SMAD1: variants seen among roughly 807,000 people sequenced by gnomAD.
SMAD1 encodes the protein SMAD family member 1, also known as MAD, mothers against decapentaplegic homolog 1.
Under a neutral mutation model 41.6 loss-of-function variants are expected in SMAD1, and 6 were observed. The ratio of observed to expected loss-of-function variants is 0.14; its 90% CI spans 0.08 to 0.28. The LOEUF (loss-of-function observed/expected upper bound fraction) is 0.28, where lower values mean the gene tolerates loss of function less well. Ranked by LOEUF, SMAD1 falls within the 10% of genes least tolerant of loss-of-function variation. SMAD1 has a pLI of 1.00. For missense variants in SMAD1, 379 were observed against 582.6 expected (o/e 0.65, Z 3.60); for synonymous variants, 206 against 203.2 (o/e 1.01, Z -0.12).
intron 1 of SMAD1, among the ~76,000 whole-genome samples, chr4:145,483,356 G>C (rs1255243592): frequency 1.3e-5 from 2 of 152,158 alleles, no homozygotes; most frequent in Non-Finnish European, 2.9e-5. Context: ...ACATCTCTGG[G>C]TCTAATTGCC....
chr4:145,501,196 A>G (rs923425222), intron 1 of SMAD1, among the ~76,000 whole-genome samples: 4 of 152,224 alleles, frequency 2.6e-5, no homozygotes, highest in African/African-American at 9.7e-5. Flanking sequence ...AATTCCTGAC[A>G]ATGACAGATC....
intron 1 of SMAD1, among the ~76,000 whole-genome samples, chr4:145,499,170 A>G (rs1233348679): frequency 1.3e-5 from 2 of 152,172 alleles, no homozygotes; most frequent in Non-Finnish European, 2.9e-5. Flanking sequence ...TATTCCCTTT[A>G]TACTATAGGT....
At chr4:145,547,678 A>G (rs960975107) in intron 5 of SMAD1, among the ~76,000 whole-genome samples, 1 of 152,090 alleles carries the variant, frequency 6.6e-6, no homozygotes, top group African/African-American at 2.4e-5. Context: ...ATGTGTGGAT[A>G]TTGTTGGGAG....
At chr4:145,492,356 G>A (rs1728815464) in intron 1 of SMAD1, among the ~76,000 whole-genome samples, 1 of 152,170 alleles carries the variant, frequency 6.6e-6, no homozygotes, top group Non-Finnish European at 1.5e-5. Flanking sequence ...CTATGACTCC[G>A]CTCTTTGGAT....
chr4:145,488,302 G>A (rs1360651659), intron 1 of SMAD1, among the ~76,000 whole-genome samples: 1 of 152,084 alleles, frequency 6.6e-6, no homozygotes. Context: ...AAGAGGAGGA[G>A]AGAGGGGTCT....
chr4:145,496,859 A>G (rs1165333638), intron 1 of SMAD1, among the ~76,000 whole-genome samples: 1 of 152,144 alleles, frequency 6.6e-6, no homozygotes, highest in Non-Finnish European at 1.5e-5. Flanking sequence ...TAGTGATAAA[A>G]GTTTCTTGAG....
At chr4:145,511,535 G>A (rs1264462832) in intron 1 of SMAD1, among the ~76,000 whole-genome samples, 1 of 152,068 alleles carries the variant, frequency 6.6e-6, no homozygotes, top group African/African-American at 2.4e-5. Context: ...CCAGAGTGCT[G>A]GGATTACTGG....
In SMAD1 at chr4:145,553,892, C is replaced by G; in HGVS notation, c.1106C>G (p.Thr369Ser). ...AACTACCATCATGGATTTCATCCTA[C>G]TACTGTTTGCAAGATCCCTAGTGGG... ...NCNYHHGFHP[T>S]TVCKIPSGCS... The change falls in exon 6 of 7, where the codon ACT (threonine) becomes AGT (serine). Residue 369 changes from threonine (T) to serine (S), a missense_variant. This residue lies in a region of SMAD1 where 107 missense variants were observed against 218.3 expected (regional missense o/e 0.49). Transcript: ENST00000302085. The G allele has an allele frequency of 2.5e-6, 4 of 1,614,136 alleles. No homozygotes were observed. The highest frequency in any genetic ancestry group is 3.4e-6 in the Non-Finnish European group (4 of 1,180,020).
chr4:145,514,130 AC>A lies in SMAD1; in HGVS notation c.-176-305del, dbSNP rs1033571542. ...TTGCAGATGATCACCTTCTTGCAGT[AC>A]CCTCAGTGTGTGTGCATAGAGGCTG... On this transcript the variant is annotated intron_variant, in intron 1 of 6. Coordinates refer to ENST00000302085, the MANE Select transcript of SMAD1 (RefSeq NM_005900.3). The surrounding 1 kb of genome is among the most constrained non-coding windows in gnomAD (Gnocchi z 4.7). 4.6e-5 allele frequency among the ~76,000 whole-genome samples: 7 copies of A among 152,124 alleles called. No homozygotes were observed. The highest frequency in any genetic ancestry group is 2.4e-5 in the African/African-American group (1 of 41,418).
At chr4:145,543,588 C>G (rs140177284) in intron 4 of SMAD1, among the ~76,000 whole-genome samples, 1 of 152,280 alleles carries the variant, frequency 6.6e-6, no homozygotes, top group East Asian at 1.9e-4. Context: ...TTTCTTTCCC[C>G]CTTTAGTAAA....
intron 1 of SMAD1, among the ~76,000 whole-genome samples, chr4:145,509,195 G>A (rs1220766245): frequency 5.9e-5 from 9 of 152,162 alleles, no homozygotes; most frequent in African/African-American, 1.4e-4. Flanking sequence ...TCTCAGCAAA[G>A]TCCTTTAGAA....
chr4:145,505,218 C>T (rs186053996), intron 1 of SMAD1, among the ~76,000 whole-genome samples: 2 of 152,266 alleles, frequency 1.3e-5, no homozygotes, highest in African/African-American at 4.8e-5. Flanking sequence ...TCCCCTTTGA[C>T]CTTTTTTGAT....
intron 1 of SMAD1, among the ~76,000 whole-genome samples, chr4:145,505,078 T>A (rs2126356647): frequency 6.6e-6 from 1 of 152,362 alleles, no homozygotes. Context: ...GAAATCATGA[T>A]CTATTTGGAC....
At chr4:145,486,996 A>G (rs1217330285) in intron 1 of SMAD1, among the ~76,000 whole-genome samples, 4 of 151,998 alleles carry the variant, frequency 2.6e-5, no homozygotes, top group African/African-American at 9.7e-5. Flanking sequence ...CCTGTTAGCA[A>G]CTTTTTATAC....
chr4:145,551,893 G>A (rs751628018), intron 5 of SMAD1, among the ~76,000 whole-genome samples: 2 of 152,104 alleles, frequency 1.3e-5, no homozygotes, highest in Non-Finnish European at 2.9e-5. Context: ...CTCTCCTAAG[G>A]ATATTATCAA....
chr4:145,544,612 TAAACTC>T (rs913311109), intron 4 of SMAD1: 11 of 151,954 alleles, frequency 7.2e-5, no homozygotes, highest in Non-Finnish European at 1.6e-4. Context: ...AAATTGGTGA[TAAACTC>T]AAAGGACCTT....
intron 1 of SMAD1, among the ~76,000 whole-genome samples, chr4:145,511,326 G>A (rs1188790774): frequency 2.0e-5 from 3 of 152,098 alleles, no homozygotes; most frequent in Non-Finnish European, 4.4e-5. Context: ...CACTCAGGTT[G>A]GAGTGCAGTG....
intron 6 of SMAD1, among the ~76,000 whole-genome samples, chr4:145,557,196 C>T (rs1003389230): frequency 1.3e-5 from 2 of 152,176 alleles, no homozygotes; most frequent in African/African-American, 4.8e-5. Flanking sequence ...TCTTAATGCA[C>T]TAATTCTGCC....
intron 6 of SMAD1, 142 bp downstream of exon 6, chr4:145,554,182 A>G (rs1732713563): frequency 3.9e-6 from 3 of 776,614 alleles, no homozygotes; most frequent in Admixed American, 2.8e-5. Flanking sequence ...GCATTTTTAA[A>G]CTTTAACAAA....
Sources: allele counts gnomAD v4.1 joint callset (sites outside exome capture counted in the v4.1 genomes callset), GRCh38; gene constraint gnomAD v4.1.1; regional missense constraint gnomAD v4.1.1; non-coding constraint Gnocchi (gnomAD v3.1); transcripts MANE v1.5; gene names NCBI Gene and HGNC (gene_info 2026-07-23, HGNC 2026-07-21).